Variants in KCNN2 observed in about 807,000 individuals in gnomAD.
The protein encoded by KCNN2 is potassium calcium-activated channel subfamily N member 2.
In KCNN2, 24 loss-of-function variants were observed where a neutral mutation model predicts 55.5. The observed-to-expected ratio is 0.43, with a 90% CI of 0.31 to 0.61. The LOEUF (loss-of-function observed/expected upper bound fraction) is 0.61, where lower values mean the gene tolerates loss of function less well. Among genes scored for constraint, KCNN2 ranks in the 20% least tolerant of loss-of-function variants. The probability of loss-of-function intolerance (pLI) is 0.08; values close to 1 mark genes in which losing one functional copy is unlikely to be tolerated. For synonymous variants in KCNN2, 431 were observed against 336.1 expected, an observed-to-expected ratio of 1.28 and a Z score of -3.09; for missense variants, 754 against 853.6, an observed-to-expected ratio of 0.88 and a Z score of 1.45.
intron 1 of KCNN2, among the ~76,000 whole-genome samples, chr5:114,063,497 A>AC (rs976174439): frequency 3.0e-4 from 46 of 151,580 alleles, no homozygotes; most frequent in Non-Finnish European, 5.3e-4. Flanking sequence ...CTAGAGAACC[A>AC]CCCCCCCTCC....
At chr5:114,486,923 G>T in intron 5 of KCNN2, 127 bp from the exon 6 acceptor site, 3 of 1,239,920 alleles carry the variant, frequency 2.4e-6, no homozygotes, top group South Asian at 1.3e-5. Context: ...AATGGTATTT[G>T]GAGTCATGGT....
intron 2 of KCNN2, among the ~76,000 whole-genome samples, chr5:114,272,163 G>A (rs572049749): frequency 6.6e-6 from 1 of 151,956 alleles, no homozygotes; most frequent in Admixed American, 6.6e-5. Flanking sequence ...TTCTCTATCT[G>A]CCACCAATGG....
chr5:114,365,806 G>A (rs574497520), intron 2 of KCNN2, among the ~76,000 whole-genome samples: 1 of 152,296 alleles, frequency 6.6e-6, no homozygotes, highest in Non-Finnish European at 1.5e-5. Flanking sequence ...TTGTTTGGAG[G>A]ACAGAGTCGT....
At chr5:114,338,727 T>C (rs1001396550) in intron 2 of KCNN2, among the ~76,000 whole-genome samples, 6 of 152,044 alleles carry the variant, frequency 3.9e-5, no homozygotes, top group Non-Finnish European at 8.8e-5. Flanking sequence ...TATTCGTGGG[T>C]TTAGGGTTTC....
chr5:114,110,483 C>A (rs372928279), intron 1 of KCNN2, among the ~76,000 whole-genome samples: 1 of 152,100 alleles, frequency 6.6e-6, no homozygotes, highest in South Asian at 2.1e-4. Flanking sequence ...AAATCTGAAG[C>A]TACAAGGGGA....
chr5:114,154,718 A>G (rs1423729499), intron 1 of KCNN2, among the ~76,000 whole-genome samples: 2 of 152,018 alleles, frequency 1.3e-5, no homozygotes, highest in African/African-American at 2.4e-5. Context: ...CTGGTCAACC[A>G]TCTCTACTCT....
chr5:114,409,050 G>A (rs1288335323), intron 3 of KCNN2, among the ~76,000 whole-genome samples: 3 of 152,166 alleles, frequency 2.0e-5, no homozygotes, highest in African/African-American at 4.8e-5. Context: ...CCAAAACTCT[G>A]GATTGGGACA....
At chr5:114,266,731 C>T (rs761684289) in intron 2 of KCNN2, among the ~76,000 whole-genome samples, 14 of 152,128 alleles carry the variant, frequency 9.2e-5, no homozygotes, top group East Asian at 1.9e-4. Flanking sequence ...GAAGTTTCTT[C>T]GTTGCACACC....
intron 2 of KCNN2, among the ~76,000 whole-genome samples, chr5:114,276,835 A>G (rs991845509): frequency 5.9e-5 from 9 of 151,972 alleles, no homozygotes; most frequent in Non-Finnish European, 1.2e-4. Flanking sequence ...GTCCATTTAC[A>G]TTTAAGTTTA....
intron 2 of KCNN2, among the ~76,000 whole-genome samples, chr5:114,290,009 T>G (rs1048273317): frequency 6.6e-6 from 1 of 152,218 alleles, no homozygotes; most frequent in African/African-American, 2.4e-5. Flanking sequence ...TGTTTTGCTC[T>G]TGTACCCTGC....
At chr5:114,121,837 CCTGGGTGG>C (rs1459473426) in intron 1 of KCNN2, among the ~76,000 whole-genome samples, 1 of 152,196 alleles carries the variant, frequency 6.6e-6, no homozygotes, top group Non-Finnish European at 1.5e-5. Flanking sequence ...TTTACCCCCA[CCTGGGTGG>C]CTGTGTGTGG....
intron 2 of KCNN2, among the ~76,000 whole-genome samples, chr5:114,296,384 C>T (rs1561560359): frequency 6.6e-6 from 1 of 152,148 alleles, no homozygotes; most frequent in African/African-American, 2.4e-5. Context: ...CTTGCCTCGG[C>T]TGCTGATGTC....
intron 1 of KCNN2, among the ~76,000 whole-genome samples, chr5:114,151,590 A>G (rs1209781000): frequency 6.6e-6 from 1 of 152,178 alleles, no homozygotes; most frequent in African/African-American, 2.4e-5. Context: ...GTTTTGATCA[A>G]TCACATTGAG....
At chr5:114,181,733 T>C (rs1753244615) in intron 1 of KCNN2, among the ~76,000 whole-genome samples, 1 of 152,174 alleles carries the variant, frequency 6.6e-6, no homozygotes. Flanking sequence ...TTAATTTTTG[T>C]GGGCAGGGTG....
chr5:114,244,457 C>T (rs746165507), intron 2 of KCNN2, among the ~76,000 whole-genome samples: 1 of 151,924 alleles, frequency 6.6e-6, no homozygotes, highest in South Asian at 2.1e-4. Context: ...AATAGCCGGG[C>T]GTGGTGGCGG....
chr5:114,108,611 C>A (rs565057918), intron 1 of KCNN2, among the ~76,000 whole-genome samples: 2 of 152,106 alleles, frequency 1.3e-5, no homozygotes, highest in Admixed American at 6.6e-5. Context: ...AGGAATAATA[C>A]ATCTGTATTT....
intron 1 of KCNN2, among the ~76,000 whole-genome samples, chr5:114,158,709 G>A (rs1190201344): frequency 1.3e-5 from 2 of 150,940 alleles, no homozygotes; most frequent in East Asian, 1.9e-4. Context: ...TCCTTGAAGA[G>A]GTCCTTCACA....
chr5:114,373,109 C>A (rs1757811161), intron 2 of KCNN2, among the ~76,000 whole-genome samples: 1 of 152,020 alleles, frequency 6.6e-6, no homozygotes, highest in South Asian at 2.1e-4. Context: ...TGCTTTCAAA[C>A]CACTTTATTA....
chr5:114,068,622 C>T (rs1750499665), intron 1 of KCNN2, among the ~76,000 whole-genome samples: 1 of 152,238 alleles, frequency 6.6e-6, no homozygotes, highest in Non-Finnish European at 1.5e-5. Flanking sequence ...GCTCCTATCT[C>T]TGCTGCAGAA....
Sources: allele counts gnomAD v4.1 joint callset (sites outside exome capture counted in the v4.1 genomes callset), GRCh38; gene constraint gnomAD v4.1.1; transcripts MANE v1.5; gene names NCBI Gene and HGNC (gene_info 2026-07-23, HGNC 2026-07-21).